Variants in CHKA observed in about 807,000 individuals in gnomAD.
The protein encoded by CHKA is CHETK-alpha.
Under a neutral mutation model 60.1 loss-of-function variants are expected in CHKA, and 34 were observed. That is an observed-to-expected ratio of 0.57 (90% CI 0.43 to 0.75). CHKA has a LOEUF of 0.75. Among genes scored for constraint, CHKA ranks in the 30% least tolerant of loss-of-function variants. The probability of loss-of-function intolerance (pLI) is 0.00; values close to 1 mark genes in which losing one functional copy is unlikely to be tolerated. For missense variants in CHKA, 563 were observed against 561.3 expected (o/e 1.00, Z -0.03); for synonymous variants, 217 against 223.1 (o/e 0.97, Z 0.24).
chr11:68,072,098 G>GAT (rs1255120994), intron 4 of CHKA, among the ~76,000 whole-genome samples: 7 of 152,210 alleles, frequency 4.6e-5, no homozygotes, highest in African/African-American at 2.4e-5. Flanking sequence ...AACATGCTCA[G>GAT]ATATGAACAA....
rs547545568 is a variant in CHKA at position 68,110,913 on chromosome 11, G to A, written c.350+9915C>T. Reference sequence around the variant, plus strand: ...CTCGGGAGGCTGAGGCAGGAGAATCGCTTGAATCCAGGAGGCGGAGGTTGC... The same window carrying A: ...CTCGGGAGGCTGAGGCAGGAGAATCACTTGAATCCAGGAGGCGGAGGTTGC... On this transcript the variant is annotated intron_variant, in intron 1 of 11. Transcript: ENST00000265689. Among the ~76,000 whole-genome samples, 7 of 151,134 alleles carry A rather than the reference G, an allele frequency of 4.6e-5. No individual in the cohort carries two copies. In the South Asian group the frequency reaches 1.0e-3, roughly 23 times the overall value.
Position 68,098,656 on chromosome 11 carries a change from A to C in CHKA, c.351-1526T>G, listed in dbSNP as rs112778776. Among the ~76,000 whole-genome samples the C allele has an allele frequency of 3.2e-3, 484 of 152,242 alleles. 2 individuals carry two copies. The highest frequency in any genetic ancestry group is 0.011 in the African/African-American group (451 of 41,548). ...TTTAAATTGTTAAAATTGTATTTTT[A>C]ATGCTGCTTATTTTACCACAATTTT... On this transcript the variant is annotated intron_variant, in intron 1 of 11. Transcript: ENST00000265689.
chr11:68,070,216 T>C lies in CHKA; in HGVS notation c.842A>G (p.Asn281Ser), dbSNP rs1009983788. ...IKKLHKLLSY[N>S]LPLELENLRS... ...CAGGTTTTCCAGTTCCAAGGGCAGA[T>C]TGTAACTGAGCAATTTGTGGAGCTT... Residue 281 changes from asparagine to serine, a missense_variant, in exon 6 of 12, where the codon AAT (asparagine) becomes AGT (serine). By Grantham distance (46) the Asn-to-Ser change is conservative. Coordinates refer to ENST00000265689, the MANE Select transcript of CHKA (RefSeq NM_001277.3). 12 of 1,613,914 alleles carry C rather than the reference T, an allele frequency of 7.4e-6. No homozygotes were observed. Among genetic ancestry groups the C allele is most frequent in the South Asian group, 1.1e-5 (1 of 91,084 alleles).
chr11:68,100,591 C>T (rs1416263284), intron 1 of CHKA, among the ~76,000 whole-genome samples: 1 of 100,642 alleles, frequency 9.9e-6, no homozygotes, highest in Admixed American at 1.1e-4. Context: ...ACATCATCTC[C>T]AATAAATAAA....
chr11:68,072,862 G>T (rs1011977407), intron 4 of CHKA, among the ~76,000 whole-genome samples: 2 of 152,080 alleles, frequency 1.3e-5, no homozygotes, highest in Admixed American at 6.5e-5. Flanking sequence ...GGGTGTGCTG[G>T]TGTGCACCTG....
Position 68,120,811 on chromosome 11 carries a change from G to A in CHKA, c.350+17C>T, listed in dbSNP as rs1858608643. The A allele has an allele frequency of 8.7e-7, 1 of 1,155,154 alleles. No individual in the cohort carries two copies. 71.6% of individuals were successfully genotyped at this position (1,155,154 alleles called of 1,614,324 possible). On this transcript the variant is annotated intron_variant, in intron 1 of 11. Transcript: ENST00000265689. The stretch of plus-strand genomic sequence containing the variant: ...TCACCTGACTGTCCCGCGGCCCCCA[G>A]ACCCGGCGCCACCGACCTGATGACA...
chr11:68,081,452 G>C lies in CHKA; in HGVS notation c.468C>G (p.Ser156=). The change falls in exon 3 of 12, where the codon TCC becomes TCG. Residue 156 remains serine, a synonymous_variant. Transcript: ENST00000265689. ...RLYGAILQMR[S]CNKEGSEQAQ... Reference sequence around the variant, plus strand: ...CTTGTTCGGATCCCTCTTTATTACAGGACCTCTATGAATGAGAAAAAGGAA... The same window carrying C: ...CTTGTTCGGATCCCTCTTTATTACACGACCTCTATGAATGAGAAAAAGGAA... 1.9e-6 allele frequency: 3 copies of C among 1,612,708 alleles called. No homozygotes were observed. Among genetic ancestry groups the C allele is most frequent in the Non-Finnish European group, 2.5e-6 (3 of 1,178,858 alleles).
chr11:68,067,722 G>C (rs762399029), intron 7 of CHKA, among the ~76,000 whole-genome samples: 1 of 152,138 alleles, frequency 6.6e-6, no homozygotes, highest in Non-Finnish European at 1.5e-5. Flanking sequence ...CCTCTCTCTA[G>C]TGATGTCTGT....
chr11:68,053,758 C>CTATA lies in CHKA; in HGVS notation c.*226_*229dup. ...GATTCAGAGATGTTGCACTATTGCA[C>CTATA]TATATTTCTGCTTCCCGATCTCGTT... On this transcript the variant is annotated 3_prime_UTR_variant, in exon 12 of 12. Transcript: ENST00000265689. The CTATA allele has an allele frequency of 6.1e-6, 3 of 491,996 alleles. No homozygotes were observed. The South Asian group carries it at 8.7e-5, about 14-fold the overall frequency. 30.5% of individuals were successfully genotyped at this position (491,996 alleles called of 1,614,324 possible). A position where few individuals can be genotyped will look rare whatever the true frequency, so the allele number is the denominator to read the frequency against.
At chr11:68,082,291 C>A (rs1857012648) in intron 2 of CHKA, among the ~76,000 whole-genome samples, 2 of 151,932 alleles carry the variant, frequency 1.3e-5, no homozygotes, top group Non-Finnish European at 2.9e-5. Flanking sequence ...TTCGTACTAT[C>A]TTTAATAAGG....
intron 1 of CHKA, among the ~76,000 whole-genome samples, chr11:68,100,852 C>A (rs956809565): frequency 2.0e-5 from 3 of 151,502 alleles, no homozygotes; most frequent in African/African-American, 7.3e-5. Context: ...GCCCTCCAGA[C>A]CCAGTGGTGC....
chr11:68,115,472 G>A (rs1858348907), intron 1 of CHKA, among the ~76,000 whole-genome samples: 1 of 152,148 alleles, frequency 6.6e-6, no homozygotes, highest in Non-Finnish European at 1.5e-5. Flanking sequence ...GAAAGGGGAA[G>A]GCAGTGCCTG....
At chr11:68,097,152 T>C in intron 1 of CHKA, 22 bp from the exon 2 acceptor site, 1 of 1,573,298 alleles carries the variant, frequency 6.4e-7, no homozygotes. Flanking sequence ...AAGAGGACAG[T>C]AAGTATCTTT....
At chr11:68,085,097 C>T (rs1290720528) in intron 2 of CHKA, among the ~76,000 whole-genome samples, 1 of 151,952 alleles carries the variant, frequency 6.6e-6, no homozygotes, top group African/African-American at 2.4e-5. Context: ...GCTTAGTTTT[C>T]AAGAGAATCT....
chr11:68,058,461 T>A (rs906389326), intron 11 of CHKA, among the ~76,000 whole-genome samples: 4 of 152,154 alleles, frequency 2.6e-5, no homozygotes, highest in African/African-American at 9.7e-5. Flanking sequence ...CAAGGTGGTA[T>A]CTTCTCCATT....
In CHKA at chr11:68,116,088, GCC is replaced by G. The variant is rs1423992655; in HGVS notation, c.350+4738_350+4739del. 2.0e-5 allele frequency among the ~76,000 whole-genome samples: 3 copies of G among 152,242 alleles called. No individual in the cohort carries two copies. The East Asian group carries it at 5.8e-4, about 29-fold the overall frequency. On this transcript the variant is annotated intron_variant, in intron 1 of 11. Coordinates refer to ENST00000265689, the MANE Select transcript of CHKA (RefSeq NM_001277.3). ...TTTTGATATGATTCTATTTTGCAGG[GCC>G]CAAGGTAGCATCCTCCTCAATGGTT...
chr11:68,068,000 C>T (rs1187713162), intron 7 of CHKA, among the ~76,000 whole-genome samples: 1 of 152,154 alleles, frequency 6.6e-6, no homozygotes, highest in African/African-American at 2.4e-5. Flanking sequence ...AGAGAGAGGC[C>T]ATGTCAGCAG....
chr11:68,099,382 A>G (rs1195540209), intron 1 of CHKA, among the ~76,000 whole-genome samples: 2 of 152,216 alleles, frequency 1.3e-5, no homozygotes, highest in South Asian at 2.1e-4. Flanking sequence ...TAGCACAAAC[A>G]ATTTTTTCCC....
chr11:68,078,987 G>A (rs1856884227), intron 3 of CHKA, among the ~76,000 whole-genome samples: 1 of 151,946 alleles, frequency 6.6e-6, no homozygotes, highest in Admixed American at 6.6e-5. Flanking sequence ...AGGCTGGAGT[G>A]CAGTGGCAAG....
Sources: gnomAD v4.1 joint callset for allele counts (sites outside exome capture counted in the v4.1 genomes callset) on GRCh38, gnomAD v4.1.1 for gene constraint, MANE v1.5 for transcripts, NCBI Gene and HGNC (gene_info 2026-07-23, HGNC 2026-07-21) for gene names.